Variants in ZNF669 observed in about 807,000 individuals in gnomAD.
ZNF669 encodes the protein zinc finger protein 669.
Under a neutral mutation model 11.4 loss-of-function variants are expected in ZNF669, and 7 were observed. That is an observed-to-expected ratio of 0.62 (90% CI 0.35 to 1.16). The LOEUF (loss-of-function observed/expected upper bound fraction) is 1.16. Among genes scored for constraint, ZNF669 ranks in the 50% most tolerant of loss-of-function variants. The pLI, the probability that ZNF669 is intolerant of heterozygous loss-of-function variation, is 0.02. For missense variants in ZNF669, 492 were observed against 463.6 expected (o/e 1.06, Z -0.56); for synonymous variants, 153 against 155.8 (o/e 0.98, Z 0.13).
At chr1:247,103,585 A>G (rs1372157261) in intron 1 of ZNF669, among the ~76,000 whole-genome samples, 2 of 140,584 alleles carry the variant, frequency 1.4e-5, no homozygotes, top group African/African-American at 2.7e-5. Flanking sequence ...AATGAGTGAG[A>G]CTGCATCATT....
At chr1:247,103,672 C>CTTCCTCATT (rs1379121620) in intron 1 of ZNF669, among the ~76,000 whole-genome samples, 1 of 144,664 alleles carries the variant, frequency 6.9e-6, no homozygotes, top group Admixed American at 6.9e-5. Flanking sequence ...ATATGGTTTG[C>CTTCCTCATT]TTCCTCATTA....
At position 247,101,075 on chromosome 1, in the gene ZNF669, C is replaced by T. The variant is rs375976348; in HGVS notation, c.436G>A (p.Val146Ile). ...YKCEQCGKFFVSVPGVRRHMI... is the reference protein window; with the variant it reads ...YKCEQCGKFFISVPGVRRHMI... ...TGTCTTCTAACACCTGGAACAGAAA[C>T]GAAGAATTTCCCACACTGTTCACAT... The change falls in exon 4 of 4, where the codon GTT becomes ATT. Residue 146 changes from valine to isoleucine, a missense_variant. Coordinates refer to ENST00000448299, the MANE Select transcript of ZNF669 (RefSeq NM_001142572.2). The T allele has an allele frequency of 1.0e-4, 165 of 1,613,856 alleles. No homozygotes were observed. Among genetic ancestry groups the T allele is most frequent in the Non-Finnish European group, 1.3e-4 (159 of 1,180,030 alleles).
rs780418348 is a variant in ZNF669 at position 247,100,998 on chromosome 1, T to C, written c.513A>G (p.Lys171=). The C allele has an allele frequency of 1.2e-6, 2 of 1,613,324 alleles. No homozygotes were observed. Among genetic ancestry groups the C allele is most frequent in the African/African-American group, 1.3e-5 (1 of 74,890 alleles). ...CAACTGAATTGAGAAAATAAAAAGC[T>C]TTCCCACATATCGTACATTTATAAG... ...NPAYKCTICG[K]AFYFLNSVER... is the part of the protein sequence containing the mutation. Residue 171 remains lysine (K), a synonymous_variant, in exon 4 of 4, where the codon AAA becomes AAG. Coordinates refer to ENST00000448299, the MANE Select transcript of ZNF669 (RefSeq NM_001142572.2).
intron 1 of ZNF669, 80 bp downstream of exon 1, chr1:247,104,117 C>A (rs775654420): frequency 1.3e-6 from 2 of 1,593,936 alleles, no homozygotes; most frequent in Non-Finnish European, 1.7e-6. Context: ...GAGCCGATGG[C>A]GTGGAGGCCC....
chr1:247,101,182 T>C lies in ZNF669; in HGVS notation c.329A>G (p.Lys110Arg), dbSNP rs777624528. 6.2e-7 allele frequency: 1 copy of C among 1,613,460 alleles called. No homozygotes were observed. Among genetic ancestry groups the C allele is most frequent in the South Asian group, 1.1e-5 (1 of 91,078 alleles). The stretch of plus-strand genomic sequence containing the variant: ...AAGGAGGGAATGACGTACAAAGACT[T>C]TTCCACAAATACTGCATTCACATGG... ...LKPCECSICG[K>R]VFVRHSLLNR... The change falls in exon 4 of 4, where the codon AAA becomes AGA. Residue 110 changes from lysine to arginine, a missense_variant. Physicochemically the swap from Lys to Arg is conservative, Grantham distance 26. Coordinates refer to ENST00000448299, the MANE Select transcript of ZNF669 (RefSeq NM_001142572.2).
Position 247,100,987 on chromosome 1 carries a change from A to G in ZNF669, c.524T>C (p.Phe175Ser). 1 of 1,613,200 alleles carries G rather than the reference A, an allele frequency of 6.2e-7. No homozygotes were observed. Among genetic ancestry groups the G allele is most frequent in the South Asian group, 1.1e-5 (1 of 90,870 alleles). The change falls in exon 4 of 4, where the codon TTT (phenylalanine) becomes TCT (serine). Residue 175 changes from phenylalanine to serine, a missense_variant. Phe to Ser is a radical substitution (Grantham distance 155). Transcript: ENST00000448299. The stretch of plus-strand genomic sequence containing the variant: ...CTGATGTCTTTCAACTGAATTGAGA[A>G]AATAAAAAGCTTTCCCACATATCGT... Reference protein sequence around the residue: ...KCTICGKAFYFLNSVERHQRT... With the variant: ...KCTICGKAFYSLNSVERHQRT...
rs1161608715 is a variant in ZNF669, at chr1:247,104,301, G to A, written c.-102C>T. ...TGCAGAGCCACCTGGGCCTCCCAGA[G>A]CCAAGAACTAGCAGCGGAGACTAAC... On this transcript the variant is annotated 5_prime_UTR_variant, in exon 1 of 4. Transcript: ENST00000448299. The A allele has an allele frequency of 2.9e-6, 4 of 1,393,616 alleles. No homozygotes were observed. The highest frequency in any genetic ancestry group is 3.0e-5 in the African/African-American group (2 of 66,972). The allele number at this position is 1,393,616 out of a possible 1,614,324, so 86.3% of individuals were successfully genotyped here. A position where few individuals can be genotyped will look rare whatever the true frequency, so the allele number is the denominator to read the frequency against.
At chr1:247,103,592 C>T (rs904374734) in intron 1 of ZNF669, among the ~76,000 whole-genome samples, 12 of 121,804 alleles carry the variant, frequency 9.9e-5, no homozygotes, top group Non-Finnish European at 1.3e-4. Context: ...GAGACTGCAT[C>T]ATTGCACTCC....
At position 247,100,854 on chromosome 1, in the gene ZNF669, G is replaced by C. The variant is rs753220392; in HGVS notation, c.657C>G (p.Pro219=). Reference sequence around the variant, plus strand: ...TTTTCCCACATTCCTTACATTCGTAGGGTTTCTCTCCAGTGTGAGTTCGTT... The same window carrying C: ...TTTTCCCACATTCCTTACATTCGTACGGTTTCTCTCCAGTGTGAGTTCGTT... ...IHERTHTGEK[P]YECKECGKTF... Residue 219 remains proline (P), a synonymous_variant, in exon 4 of 4, where the codon CCC becomes CCG. Coordinates refer to ENST00000448299, the MANE Select transcript of ZNF669 (RefSeq NM_001142572.2). 1 of 1,613,974 alleles carries C rather than the reference G, an allele frequency of 6.2e-7. No homozygotes were observed. The highest frequency in any genetic ancestry group is 1.3e-5 in the African/African-American group (1 of 74,894).
At chr1:247,101,627 TAAATTTC>T (rs1366885297) in intron 3 of ZNF669, 97 bp downstream of exon 3, 2 of 1,154,834 alleles carry the variant, frequency 1.7e-6, no homozygotes, top group East Asian at 5.0e-5. Context: ...TAAAAATAAA[TAAATTTC>T]AAGTGACTCT....
In ZNF669 at chr1:247,102,109, G is replaced by A. The variant is rs747473406; in HGVS notation, c.8C>T (p.Ser3Leu). The part of the protein sequence containing the change: MD[S>L]VAFEDVAVNF... ...CACAGCCACATCCTCAAAAGCCACC[G>A]AGTCCTAGAACATTCCACACATGTG... is the stretch of plus-strand genomic sequence containing the variant. The change falls in exon 2 of 4, where the codon TCG (serine) becomes TTG (leucine). Residue 3 changes from serine to leucine, a missense_variant. Ser to Leu is a moderately radical substitution (Grantham distance 145). Transcript: ENST00000448299. The A allele has an allele frequency of 6.2e-5, 100 of 1,605,236 alleles. No homozygotes were observed. The highest frequency in any genetic ancestry group is 7.9e-5 in the Non-Finnish European group (93 of 1,176,426).
At chr1:247,101,604 G>T in intron 3 of ZNF669, 127 bp downstream of exon 3, 2 of 960,986 alleles carry the variant, frequency 2.1e-6, no homozygotes, top group Non-Finnish European at 1.5e-6. Flanking sequence ...TTACATTTTG[G>T]GTGAAATTTT....
rs548647816 is a variant in ZNF669 at position 247,104,331 on chromosome 1, A to C, written c.-132T>G. 1.6e-6 allele frequency: 2 copies of C among 1,261,910 alleles called. No homozygotes were observed. The highest frequency in any genetic ancestry group is 3.6e-5 in the Admixed American group (1 of 27,966). The allele number at this position is 1,261,910 out of a possible 1,614,324, so 78.2% of individuals were successfully genotyped here. ...GAACTAGCAGCGGAGACTAACAGGAAGAGCCGGCTCCGGCGAAGGAGAGAC... is the reference window on the plus strand; with the variant it reads ...GAACTAGCAGCGGAGACTAACAGGACGAGCCGGCTCCGGCGAAGGAGAGAC... On this transcript the variant is annotated 5_prime_UTR_variant, in exon 1 of 4. Transcript: ENST00000448299.
At chr1:247,102,522 T>C (rs777770568) in intron 1 of ZNF669, among the ~76,000 whole-genome samples, 1 of 152,258 alleles carries the variant, frequency 6.6e-6, no homozygotes, top group Non-Finnish European at 1.5e-5. Flanking sequence ...TTGTTTGTAT[T>C]AGTAACTTAC....
chr1:247,101,062 C>CGGAAGAATGTTAGA lies in ZNF669; in HGVS notation c.448_449insTCTAACATTCTTCC (p.Gly150ValfsTer2). The CGGAAGAATGTTAGA allele has an allele frequency of 6.2e-7, 1 of 1,613,960 alleles. No homozygotes were observed. Among genetic ancestry groups the CGGAAGAATGTTAGA allele is most frequent in the Non-Finnish European group, 8.5e-7 (1 of 1,180,010 alleles). On this transcript the variant is annotated stop_gained and frameshift_variant, in exon 4 of 4. Coordinates refer to ENST00000448299, the MANE Select transcript of ZNF669 (RefSeq NM_001142572.2). LOFTEE classifies it low-confidence loss of function (END_TRUNC). ...GTGCATTATCATGTGTCTTCTAACA[C>CGGAAGAATGTTAGA]CTGGAACAGAAACGAAGAATTTCCC...
In ZNF669 at chr1:247,102,046, G is replaced by A. The variant is rs776867862; in HGVS notation, c.71C>T (p.Ser24Phe). 2.5e-6 allele frequency: 4 copies of A among 1,613,496 alleles called. No homozygotes were observed. The highest frequency in any genetic ancestry group is 3.4e-6 in the Non-Finnish European group (4 of 1,179,838). The change falls in exon 2 of 4, where the codon TCT (serine) becomes TTT (phenylalanine). Residue 24 changes from serine to phenylalanine, a missense_variant. Physicochemically the swap from Ser to Phe is radical, Grantham distance 155. Transcript: ENST00000448299. The stretch of plus-strand genomic sequence containing the variant: ...CACTTCTCTGTAGAGATTCTTCTGA[G>A]AAGAATCTAGCAAAGCCCATTCCTC... ...TQEEWALLDS[S>F]QKNLYREVMQ...
Position 247,100,683 on chromosome 1 carries a change from A to G in ZNF669, c.828T>C (p.Tyr276=). The part of the protein sequence containing the change: ...HGSIHTGERP[Y]ECKQCGKAFS... Reference sequence around the variant, plus strand: ...AGGCTTTGCCACATTGTTTACACTCATAGGGTCTCTCTCCAGTATGAATGC... The same window carrying G: ...AGGCTTTGCCACATTGTTTACACTCGTAGGGTCTCTCTCCAGTATGAATGC... Residue 276 remains tyrosine (Y), a synonymous_variant, in exon 4 of 4, where the codon TAT becomes TAC. Transcript: ENST00000448299. 6.2e-7 allele frequency: 1 copy of G among 1,614,184 alleles called. No individual in the cohort carries two copies. The highest frequency in any genetic ancestry group is 8.5e-7 in the Non-Finnish European group (1 of 1,179,988).
intron 3 of ZNF669, 114 bp downstream of exon 3, chr1:247,101,617 T>TA (rs1450058898): frequency 9.0e-7 from 1 of 1,107,096 alleles, no homozygotes; most frequent in Admixed American, 3.0e-5. Context: ...GAAATTTTTC[T>TA]AAAAATAAAT....
In ZNF669 at chr1:247,101,071, G is replaced by C. The variant is rs1423167461; in HGVS notation, c.440C>G (p.Ser147Cys). ...CATGTGTCTTCTAACACCTGGAACAGAAACGAAGAATTTCCCACACTGTTC... is the reference window on the plus strand; with the variant it reads ...CATGTGTCTTCTAACACCTGGAACACAAACGAAGAATTTCCCACACTGTTC... ...KCEQCGKFFV[S>C]VPGVRRHMIM... is the part of the protein sequence containing the mutation. The change falls in exon 4 of 4, where the codon TCT becomes TGT. Residue 147 changes from serine to cysteine, a missense_variant. Ser to Cys is a moderately radical substitution (Grantham distance 112). Transcript: ENST00000448299. 15 of 1,613,902 alleles carry C rather than the reference G, an allele frequency of 9.3e-6. No individual in the cohort carries two copies. In the South Asian group the frequency reaches 1.6e-4, roughly 18 times the overall value.
Sources: allele counts gnomAD v4.1 joint callset (sites outside exome capture counted in the v4.1 genomes callset), GRCh38; gene constraint gnomAD v4.1.1; transcripts MANE v1.5; gene names NCBI Gene and HGNC (gene_info 2026-07-23, HGNC 2026-07-21).